Variants in YAF2 observed in about 807,000 individuals in gnomAD.
YAF2 encodes the protein YY1-associated factor 2.
YAF2 carries 7 observed loss-of-function variants against 20.1 expected under a neutral mutation model. That is an observed-to-expected ratio of 0.35 (90% CI 0.20 to 0.65). The LOEUF (loss-of-function observed/expected upper bound fraction) is 0.65. Among genes scored for constraint, YAF2 ranks in the 30% least tolerant of loss-of-function variants. YAF2 has a pLI of 0.69. For missense variants in YAF2, 151 were observed against 219.2 expected, an observed-to-expected ratio of 0.69 and a Z score of 1.96; for synonymous variants, 74 against 76.0, an observed-to-expected ratio of 0.97 and a Z score of 0.14.
chr12:42,214,876 C>T (rs1200984172), intron 2 of YAF2, among the ~76,000 whole-genome samples: 2 of 152,046 alleles, frequency 1.3e-5, no homozygotes, highest in African/African-American at 2.4e-5. Flanking sequence ...TGGTGGCAGG[C>T]GCCTGCGGTC....
In YAF2 at chr12:42,159,349, C is replaced by T. The variant is rs1270019876; in HGVS notation, c.*1240G>A. Reference sequence around the variant, plus strand: ...AAATGGTTAAGAGAAAGCAGGAGACCCCAGGAGAATTTAAGTACTGTGTGG... The same window carrying T: ...AAATGGTTAAGAGAAAGCAGGAGACTCCAGGAGAATTTAAGTACTGTGTGG... On this transcript the variant is annotated 3_prime_UTR_variant, in exon 4 of 4. Coordinates refer to ENST00000534854, the MANE Select transcript of YAF2 (RefSeq NM_005748.6). 1 of 151,858 alleles carries T rather than the reference C, an allele frequency of 6.6e-6. No individual in the cohort carries two copies. The highest frequency in any genetic ancestry group is 2.4e-5 in the African/African-American group (1 of 41,364). 9.4% of individuals were successfully genotyped at this position (151,858 alleles called of 1,614,324 possible).
intron 2 of YAF2, among the ~76,000 whole-genome samples, chr12:42,183,228 TG>T (rs1279721119): frequency 6.6e-6 from 1 of 152,098 alleles, no homozygotes; most frequent in Admixed American, 6.6e-5. Flanking sequence ...CCCTCTTCCC[TG>T]AGACACAATA....
chr12:42,226,666 A>AAAAT (rs897887713), intron 2 of YAF2, among the ~76,000 whole-genome samples: 2 of 152,176 alleles, frequency 1.3e-5, no homozygotes, highest in Non-Finnish European at 2.9e-5. Flanking sequence ...CCTGTCTCAG[A>AAAAT]AAATAAATAA....
intron 2 of YAF2, chr12:42,210,697 A>G (rs1189109091): frequency 6.6e-7 from 1 of 1,526,500 alleles, no homozygotes; most frequent in Non-Finnish European, 8.8e-7. Context: ...GAATAAGAAG[A>G]TTATTTCATT....
chr12:42,196,415 CAT>C (rs1331347706), intron 2 of YAF2, among the ~76,000 whole-genome samples: 7 of 151,990 alleles, frequency 4.6e-5, no homozygotes, highest in Non-Finnish European at 8.8e-5. Context: ...GGAACCAGTA[CAT>C]GAAACGATTT....
At chr12:42,237,415 C>G (rs951854431) in intron 2 of YAF2, 184 bp downstream of exon 2, 1 of 1,292,904 alleles carries the variant, frequency 7.7e-7, no homozygotes, top group Admixed American at 4.2e-5. Flanking sequence ...TCTTCAATTA[C>G]CCCTCACCGC....
At chr12:42,208,641 T>C (rs1306031943) in intron 2 of YAF2, among the ~76,000 whole-genome samples, 1 of 152,126 alleles carries the variant, frequency 6.6e-6, no homozygotes, top group African/African-American at 2.4e-5. Flanking sequence ...GAATTAATAG[T>C]CTTACAGACA....
intron 2 of YAF2, chr12:42,199,138 G>C (rs1038721023): frequency 2.6e-5 from 33 of 1,286,332 alleles, no homozygotes; most frequent in Admixed American, 4.6e-5. Context: ...CAGCTTACCA[G>C]ACTGTCCAAA....
chr12:42,211,030 C>T (rs1462050897), intron 2 of YAF2, among the ~76,000 whole-genome samples: 1 of 152,160 alleles, frequency 6.6e-6, no homozygotes, highest in African/African-American at 2.4e-5. Flanking sequence ...TAGCCATTGT[C>T]ATTAACATTC....
rs190809846 is a variant in YAF2, at chr12:42,200,422, C to A, written c.152+37177G>T. Reference sequence around the variant, plus strand: ...CTTATCCCTAGCACCTAGTGCTTATCTGCTGCTCCACTACATCAGAACCAA... The same window carrying A: ...CTTATCCCTAGCACCTAGTGCTTATATGCTGCTCCACTACATCAGAACCAA... On this transcript the variant is annotated intron_variant, in intron 2 of 3. Transcript: ENST00000534854. 1.1e-4 allele frequency among the ~76,000 whole-genome samples: 17 copies of A among 152,310 alleles called. No individual in the cohort carries two copies. The East Asian group carries it at 2.7e-3, about 24-fold the overall frequency.
At chr12:42,210,037 A>G (rs2067161644) in intron 2 of YAF2, among the ~76,000 whole-genome samples, 1 of 152,194 alleles carries the variant, frequency 6.6e-6, no homozygotes, top group Non-Finnish European at 1.5e-5. Context: ...ACCTCAGGTG[A>G]TCCACCCGCC....
chr12:42,211,509 G>T (rs2067209069), intron 2 of YAF2, among the ~76,000 whole-genome samples: 1 of 151,406 alleles, frequency 6.6e-6, no homozygotes, highest in South Asian at 2.1e-4. Context: ...GGCCAAGGCA[G>T]GTGGATCACC....
intron 2 of YAF2, among the ~76,000 whole-genome samples, chr12:42,174,099 A>T (rs2066120328): frequency 7.3e-6 from 1 of 136,530 alleles, no homozygotes; most frequent in Non-Finnish European, 1.6e-5. Context: ...TACCTCAAAA[A>T]GAAAAAAAAA....
At chr12:42,230,060 C>T (rs1288544842) in intron 2 of YAF2, among the ~76,000 whole-genome samples, 1 of 152,008 alleles carries the variant, frequency 6.6e-6, no homozygotes, top group Non-Finnish European at 1.5e-5. Flanking sequence ...AGATGGAGAC[C>T]ATCCTGGCCA....
Position 42,165,061 on chromosome 12 carries a change from CAAAAAAAA to C in YAF2, c.153-3304_153-3297del, listed in dbSNP as rs78729667. ...CAGAGTGAGACCCTGTCTTCTGGAA[CAAAAAAAA>C]AAAAAAAAAAGAAAAGAAACTACTT... On this transcript the variant is annotated intron_variant, in intron 2 of 3. Coordinates refer to ENST00000534854, the MANE Select transcript of YAF2 (RefSeq NM_005748.6). 1.5e-4 allele frequency among the ~76,000 whole-genome samples: 10 copies of C among 64,784 alleles called. 1 individual carries two copies. The highest frequency in any genetic ancestry group is 1.1e-4 in the African/African-American group (2 of 18,274). 42.5% of individuals were successfully genotyped at this position (64,784 alleles called of 152,430 possible).
chr12:42,191,057 A>G (rs1204139453), intron 2 of YAF2, among the ~76,000 whole-genome samples: 1 of 152,182 alleles, frequency 6.6e-6, no homozygotes, highest in Non-Finnish European at 1.5e-5. Flanking sequence ...TCAGCCTTAT[A>G]TATCAGACAG....
chr12:42,186,296 G>C (rs541348983), intron 2 of YAF2, among the ~76,000 whole-genome samples: 151 of 151,806 alleles, frequency 9.9e-4, no homozygotes, highest in Non-Finnish European at 1.8e-3. Context: ...GGAGGTTACA[G>C]TGAGTCAAGA....
chr12:42,166,550 T>C (rs1243216298), intron 2 of YAF2, among the ~76,000 whole-genome samples: 1 of 152,224 alleles, frequency 6.6e-6, no homozygotes, highest in Admixed American at 6.5e-5. Flanking sequence ...ACTACTTATA[T>C]GAGAAATCAT....
At chr12:42,227,079 C>CAGCCGCCGCCG (rs1565655628) in intron 2 of YAF2, among the ~76,000 whole-genome samples, 1 of 145,380 alleles carries the variant, frequency 6.9e-6, no homozygotes, top group African/African-American at 2.6e-5. Context: ...CGCCCGACCG[C>CAGCCGCCGCCG]CGGGAGGATG....
Sources: gnomAD v4.1 joint callset for allele counts (sites outside exome capture counted in the v4.1 genomes callset) on GRCh38, gnomAD v4.1.1 for gene constraint, MANE v1.5 for transcripts, NCBI Gene and HGNC (gene_info 2026-07-23, HGNC 2026-07-21) for gene names.